The following SHC3 variants were observed in gnomAD, a reference collection of about 807,000 sequenced individuals.
SHC3 encodes the protein SHC-transforming protein 3.
Under a neutral mutation model 60.4 loss-of-function variants are expected in SHC3, and 15 were observed. The ratio of observed to expected loss-of-function variants is 0.25; its 90% CI spans 0.17 to 0.38. The LOEUF is 0.38. Ranked by LOEUF, SHC3 falls within the 10% of genes least tolerant of loss-of-function variation. SHC3 has a pLI of 1.00. For synonymous variants in SHC3, 294 were observed against 325.9 expected, an observed-to-expected ratio of 0.90 and a Z score of 1.05; for missense variants, 677 against 786.1, an observed-to-expected ratio of 0.86 and a Z score of 1.66.
chr9:89,090,322 A>G lies in SHC3; in HGVS notation c.546-12419T>C, dbSNP rs187163136. Among the ~76,000 whole-genome samples, 16 of 152,350 alleles carry G rather than the reference A, an allele frequency of 1.1e-4. No homozygotes were observed. The East Asian group carries it at 3.1e-3, about 29-fold the overall frequency. ...GCAGTGGAGAGAAGTGACAAAGATT[A>G]TCCAGCCAAAGATCATGCCACCTGA... On this transcript the variant is annotated intron_variant, in intron 2 of 11. Transcript: ENST00000375835.
intron 11 of SHC3, among the ~76,000 whole-genome samples, chr9:89,021,709 A>T (rs775615965): frequency 6.6e-6 from 1 of 152,198 alleles, no homozygotes; most frequent in Non-Finnish European, 1.5e-5. Context: ...CCTCGGGGCC[A>T]GTAGAACACA....
intron 10 of SHC3, among the ~76,000 whole-genome samples, chr9:89,039,687 T>A (rs1824642314): frequency 6.6e-6 from 1 of 151,548 alleles, no homozygotes; most frequent in Non-Finnish European, 1.5e-5. Context: ...ATAACCATCA[T>A]CATCACCATC....
chr9:89,177,643 C>T (rs1445526387), intron 1 of SHC3, among the ~76,000 whole-genome samples: 1 of 152,234 alleles, frequency 6.6e-6, no homozygotes. Flanking sequence ...AGATACTAGG[C>T]AGGCCGGACC....
rs1245820351 is a variant in SHC3 at position 89,165,650 on chromosome 9, A to G, written c.474+12337T>C. 2.4e-4 allele frequency among the ~76,000 whole-genome samples: 37 copies of G among 152,194 alleles called. 1 individual carries two copies. Among genetic ancestry groups the G allele is most frequent in the Admixed American group, 2.4e-3 (37 of 15,286 alleles). On this transcript the variant is annotated intron_variant, in intron 1 of 11. Transcript: ENST00000375835. ...TGACAACAGATGTAAGAGGCTTAGA[A>G]AAAGGAAGTGTTCAGTGATGACTTG...
intron 3 of SHC3, among the ~76,000 whole-genome samples, chr9:89,077,003 C>A (rs371579617): frequency 6.6e-6 from 1 of 151,726 alleles, no homozygotes; most frequent in African/African-American, 2.4e-5. Flanking sequence ...ACAGTGAAAC[C>A]CCATCTCTAC....
At chr9:89,141,321 C>G (rs34562085) in intron 1 of SHC3, among the ~76,000 whole-genome samples, 1 of 152,186 alleles carries the variant, frequency 6.6e-6, no homozygotes, top group Non-Finnish European at 1.5e-5. Flanking sequence ...GTGTTCTATC[C>G]TACGGTACCC....
intron 2 of SHC3, among the ~76,000 whole-genome samples, chr9:89,089,153 T>A (rs1239128719): frequency 6.6e-6 from 1 of 152,194 alleles, no homozygotes; most frequent in Non-Finnish European, 1.5e-5. Flanking sequence ...GCAGTTCTAC[T>A]GGATGATGCA....
chr9:89,038,351 A>T, intron 10 of SHC3, 63 bp from the exon 11 acceptor site: 1 of 1,467,472 alleles, frequency 6.8e-7, no homozygotes, highest in Non-Finnish European at 9.1e-7. Flanking sequence ...ATAAAAAAAA[A>T]AAAAAAAAAA....
chr9:89,044,417 T>G (rs1180280107), intron 9 of SHC3, among the ~76,000 whole-genome samples: 1 of 152,196 alleles, frequency 6.6e-6, no homozygotes, highest in African/African-American at 2.4e-5. Flanking sequence ...CAGAGGACAT[T>G]TTAAAAATGT....
chr9:89,023,385 G>A (rs1826236464), intron 11 of SHC3, among the ~76,000 whole-genome samples: 1 of 152,220 alleles, frequency 6.6e-6, no homozygotes. Flanking sequence ...GAAAGGCTGG[G>A]TTTATTTAGG....
At chr9:89,091,524 A>G (rs1221042553) in intron 2 of SHC3, among the ~76,000 whole-genome samples, 1 of 152,254 alleles carries the variant, frequency 6.6e-6, no homozygotes, top group Non-Finnish European at 1.5e-5. Flanking sequence ...TTTGATCTAC[A>G]GTGAAGGAGA....
intron 11 of SHC3, among the ~76,000 whole-genome samples, chr9:89,033,487 T>A (rs1824523940): frequency 6.6e-6 from 1 of 152,174 alleles, no homozygotes; most frequent in South Asian, 2.1e-4. Flanking sequence ...TTCTAAAAAT[T>A]TCGTTTCTGA....
intron 1 of SHC3, among the ~76,000 whole-genome samples, chr9:89,154,404 A>C (rs1826592199): frequency 6.6e-6 from 1 of 152,198 alleles, no homozygotes; most frequent in Non-Finnish European, 1.5e-5. Context: ...GCCGGAATGC[A>C]TGTCAGTGCA....
chr9:89,106,474 G>A (rs1214373970), intron 2 of SHC3, among the ~76,000 whole-genome samples: 2 of 152,226 alleles, frequency 1.3e-5, no homozygotes, highest in African/African-American at 4.8e-5. Flanking sequence ...CCCTTCAGTG[G>A]TGGCTTCTCC....
rs1824780438 is a variant in SHC3, at chr9:89,046,688, C to T, written c.1113+156G>A. Among the ~76,000 whole-genome samples, 3 of 152,226 alleles carry T rather than the reference C, an allele frequency of 2.0e-5. No individual in the cohort carries two copies. The South Asian group carries it at 6.2e-4, about 31-fold the overall frequency. On this transcript the variant is annotated intron_variant, in intron 8 of 11. Transcript: ENST00000375835. ...ATGTTAACCCAAAGCCTCTCTTCATCTGCATGCCTCATGAAATCCAGTGAG... is the reference window on the plus strand; with the variant it reads ...ATGTTAACCCAAAGCCTCTCTTCATTTGCATGCCTCATGAAATCCAGTGAG...
intron 2 of SHC3, among the ~76,000 whole-genome samples, chr9:89,083,300 G>A (rs1226282042): frequency 4.6e-5 from 7 of 152,364 alleles, no homozygotes; most frequent in South Asian, 4.1e-4. Context: ...TGCCAAAGAA[G>A]CAGGTGCTGA....
chr9:89,032,765 G>A (rs1824511723), intron 11 of SHC3, among the ~76,000 whole-genome samples: 1 of 152,084 alleles, frequency 6.6e-6, no homozygotes, highest in African/African-American at 2.4e-5. Context: ...ACGCAGAACT[G>A]TTTTCATCCT....
intron 1 of SHC3, among the ~76,000 whole-genome samples, chr9:89,145,465 ATGGACCT>A (rs1171940250): frequency 6.6e-6 from 1 of 152,264 alleles, no homozygotes; most frequent in Non-Finnish European, 1.5e-5. Context: ...ACAATGGGAA[ATGGACCT>A]TGAGGAATCA....
chr9:89,065,449 G>A, intron 6 of SHC3, 80 bp downstream of exon 6: 1 of 1,432,060 alleles, frequency 7.0e-7, no homozygotes, highest in East Asian at 2.3e-5. Context: ...AGGGGGCTGA[G>A]ATAACGAGGA....
Sources: allele counts gnomAD v4.1 joint callset (sites outside exome capture counted in the v4.1 genomes callset), GRCh38; gene constraint gnomAD v4.1.1; transcripts MANE v1.5; gene names NCBI Gene and HGNC (gene_info 2026-07-23, HGNC 2026-07-21).